The following JPH3 variants were observed in gnomAD, a reference collection of about 807,000 sequenced individuals.
JPH3 encodes the protein junctophilin 3.
In JPH3, 11 loss-of-function variants were observed where a neutral mutation model predicts 59.6. That is an observed-to-expected ratio of 0.18 (90% CI 0.12 to 0.31). JPH3 has a LOEUF of 0.31. Ranked by LOEUF, JPH3 falls within the 10% of genes least tolerant of loss-of-function variation. JPH3 has a pLI of 1.00. For synonymous variants in JPH3, 673 were observed against 483.6 expected (o/e 1.39, Z -5.14); for missense variants, 1,202 against 1,105.7 (o/e 1.09, Z -1.24).
chr16:87,690,184 G>A lies in JPH3; in HGVS notation c.1824G>A (p.Leu608=). The change falls in exon 4 of 5, where the codon CTG becomes CTA. Residue 608 remains leucine, a synonymous_variant. Coordinates refer to ENST00000284262, the MANE Select transcript of JPH3 (RefSeq NM_020655.4). ...SRLLELQEEK[L]SNYRMEMKPL... Reference sequence around the variant, plus strand: ...TGCTGGAGCTGCAGGAGGAGAAGCTGAGCAACTACCGGATGGAGATGAAAC... The same window carrying A: ...TGCTGGAGCTGCAGGAGGAGAAGCTAAGCAACTACCGGATGGAGATGAAAC... The A allele has an allele frequency of 1.2e-6, 2 of 1,601,458 alleles. No homozygotes were observed. The highest frequency in any genetic ancestry group is 1.7e-6 in the Non-Finnish European group (2 of 1,174,622).
At chr16:87,688,571 G>A (rs1301372070) in intron 3 of JPH3, among the ~76,000 whole-genome samples, 1 of 152,110 alleles carries the variant, frequency 6.6e-6, no homozygotes, top group Non-Finnish European at 1.5e-5. Flanking sequence ...AAGATGGGCA[G>A]TGGCTCTTGG....
At chr16:87,665,002 C>T (rs1404405838) in intron 2 of JPH3, among the ~76,000 whole-genome samples, 2 of 152,248 alleles carry the variant, frequency 1.3e-5, no homozygotes, top group South Asian at 2.1e-4. Flanking sequence ...GGAGGCGTCT[C>T]CACCATCTGT....
chr16:87,671,459 G>C (rs888427032), intron 2 of JPH3, among the ~76,000 whole-genome samples: 4 of 152,208 alleles, frequency 2.6e-5, no homozygotes, highest in African/African-American at 9.7e-5. Flanking sequence ...GCGCCACCTG[G>C]TATGTCCTGG....
At chr16:87,667,019 C>G (rs2032884890) in intron 2 of JPH3, among the ~76,000 whole-genome samples, 1 of 152,214 alleles carries the variant, frequency 6.6e-6, no homozygotes, top group Non-Finnish European at 1.5e-5. Flanking sequence ...CGCAGTCCCC[C>G]AGCTCCGGGC....
intron 1 of JPH3, among the ~76,000 whole-genome samples, chr16:87,633,472 T>A (rs1010039921): frequency 1.3e-5 from 2 of 148,904 alleles, no homozygotes; most frequent in African/African-American, 2.6e-5. Flanking sequence ...AGAACTCCAC[T>A]AAGATTAACC....
chr16:87,614,831 CTGTG>C (rs2030891249), intron 1 of JPH3, among the ~76,000 whole-genome samples: 2 of 147,422 alleles, frequency 1.4e-5, no homozygotes, highest in South Asian at 2.2e-4. Context: ...ACGTGAGGAG[CTGTG>C]CGTCCCTTCC....
chr16:87,620,948 A>G (rs974132035), intron 1 of JPH3, among the ~76,000 whole-genome samples: 1 of 152,190 alleles, frequency 6.6e-6, no homozygotes, highest in Non-Finnish European at 1.5e-5. Context: ...ACTTGAGGTC[A>G]GGAGTTTGAG....
At chr16:87,619,937 C>T (rs544845328) in intron 1 of JPH3, among the ~76,000 whole-genome samples, 37 of 152,176 alleles carry the variant, frequency 2.4e-4, no homozygotes, top group African/African-American at 8.4e-4. Context: ...CTTCAGGAGG[C>T]GCATCTGTGA....
intron 1 of JPH3, among the ~76,000 whole-genome samples, chr16:87,632,900 A>AAG (rs1459289304): frequency 6.6e-6 from 1 of 151,958 alleles, no homozygotes; most frequent in Non-Finnish European, 1.5e-5. Context: ...CTCAAAAAAA[A>AAG]AAAAAAAATT....
At position 87,692,731 on chromosome 16, in the gene JPH3, C is replaced by T. The variant is rs942600254; in HGVS notation, c.2166+2205C>T. 1.3e-4 allele frequency among the ~76,000 whole-genome samples: 20 copies of T among 152,334 alleles called. No individual in the cohort carries two copies. In the East Asian group the frequency reaches 2.1e-3, roughly 16 times the overall value. ...AAGGAACTCTGGCCCTGGCTGTTTC[C>T]CTCTTGGTGAAATGATGGATATGAC... On this transcript the variant is annotated intron_variant, in intron 4 of 4. Transcript: ENST00000284262.
chr16:87,658,537 C>G (rs556822475), intron 2 of JPH3, among the ~76,000 whole-genome samples: 1 of 152,012 alleles, frequency 6.6e-6, no homozygotes, highest in Admixed American at 6.6e-5. Context: ...GCTTTTGTTC[C>G]CCCTTCTCTC....
chr16:87,638,594 A>AG (rs2031835786), intron 1 of JPH3, among the ~76,000 whole-genome samples: 1 of 151,966 alleles, frequency 6.6e-6, no homozygotes, highest in Admixed American at 6.6e-5. Flanking sequence ...GGCAGGGCTG[A>AG]GGTGGGTCGG....
At chr16:87,683,386 C>T (rs2033342044) in intron 2 of JPH3, among the ~76,000 whole-genome samples, 1 of 151,926 alleles carries the variant, frequency 6.6e-6, no homozygotes, top group African/African-American at 2.4e-5. Context: ...CTCACTGCAA[C>T]TTCCGCCTCC....
intron 2 of JPH3, among the ~76,000 whole-genome samples, chr16:87,674,537 C>T (rs1391109558): frequency 6.6e-6 from 1 of 152,070 alleles, no homozygotes; most frequent in African/African-American, 2.4e-5. Flanking sequence ...AAACAAGTCA[C>T]AGGAAAAAAT....
chr16:87,694,992 G>A, intron 4 of JPH3: 2 of 297,376 alleles, frequency 6.7e-6, no homozygotes, highest in South Asian at 3.2e-5. Context: ...TGGCTGTTGT[G>A]AATCCTGCTG....
intron 1 of JPH3, among the ~76,000 whole-genome samples, chr16:87,634,107 G>A (rs966964754): frequency 6.6e-6 from 1 of 152,202 alleles, no homozygotes; most frequent in Non-Finnish European, 1.5e-5. Context: ...GAGGCAGGAG[G>A]GACAGGCACG....
chr16:87,624,989 G>C (rs1197112503), intron 1 of JPH3, among the ~76,000 whole-genome samples: 2 of 152,154 alleles, frequency 1.3e-5, no homozygotes, highest in African/African-American at 4.8e-5. Context: ...AGTAGAGACA[G>C]GGTATCAACA....
chr16:87,620,974 A>C (rs2031163680), intron 1 of JPH3, among the ~76,000 whole-genome samples: 1 of 152,182 alleles, frequency 6.6e-6, no homozygotes. Context: ...CTTGGCCAAC[A>C]TGGTGGAACC....
At chr16:87,612,862 C>CA (rs988871602) in intron 1 of JPH3, among the ~76,000 whole-genome samples, 3 of 151,086 alleles carry the variant, frequency 2.0e-5, no homozygotes, top group East Asian at 2.0e-4. Flanking sequence ...ACTAAAAATA[C>CA]AAAAAAAATA....
Sources: allele counts gnomAD v4.1 joint callset (sites outside exome capture counted in the v4.1 genomes callset), GRCh38; gene constraint gnomAD v4.1.1; transcripts MANE v1.5; gene names NCBI Gene and HGNC (gene_info 2026-07-23, HGNC 2026-07-21).